CDH12: variants seen among roughly 807,000 people sequenced by gnomAD.
The protein encoded by CDH12 is cadherin 12.
In CDH12, 41 loss-of-function variants were observed where a neutral mutation model predicts 74.1. That is an observed-to-expected ratio of 0.55 (90% CI 0.43 to 0.72). CDH12 has a LOEUF of 0.72. Among genes scored for constraint, CDH12 ranks in the 30% least tolerant of loss-of-function variants. CDH12 has a pLI of 0.00. For missense variants in CDH12, 945 were observed against 977.2 expected (o/e 0.97, Z 0.44); for synonymous variants, 399 against 355.0 (o/e 1.12, Z -1.39).
chr5:22,254,268 C>A (rs977766581), intron 3 of CDH12, among the ~76,000 whole-genome samples: 2 of 151,758 alleles, frequency 1.3e-5, no homozygotes, highest in African/African-American at 4.8e-5. Flanking sequence ...TTGAATTCTT[C>A]TTTTGAAATT....
At chr5:21,907,730 G>A (rs563118079) in intron 6 of CDH12, among the ~76,000 whole-genome samples, 1 of 152,236 alleles carries the variant, frequency 6.6e-6, no homozygotes, top group East Asian at 1.9e-4. Flanking sequence ...GCTCTACCTG[G>A]CTTGGAATTT....
At chr5:22,357,409 T>C (rs1740610447) in intron 3 of CDH12, among the ~76,000 whole-genome samples, 1 of 152,090 alleles carries the variant, frequency 6.6e-6, no homozygotes, top group Non-Finnish European at 1.5e-5. Context: ...CCTTATCAGA[T>C]GTTAACTCGG....
chr5:21,996,363 A>AT (rs1230743123), intron 5 of CDH12, among the ~76,000 whole-genome samples: 1 of 152,194 alleles, frequency 6.6e-6, no homozygotes, highest in Non-Finnish European at 1.5e-5. Context: ...GAAAGTATAG[A>AT]TTTTAAAAGA....
At chr5:21,802,085 A>T in intron 10 of CDH12, 82 bp downstream of exon 10, 1 of 1,205,910 alleles carries the variant, frequency 8.3e-7, no homozygotes, top group Non-Finnish European at 1.2e-6. Flanking sequence ...GCAGTTTTGG[A>T]CAGAGAATTG....
At chr5:21,806,405 A>AG (rs903350286) in intron 9 of CDH12, among the ~76,000 whole-genome samples, 38 of 152,216 alleles carry the variant, frequency 2.5e-4, no homozygotes, top group African/African-American at 8.7e-4. Context: ...ATTTTCTCTG[A>AG]GGGAGGTTTC....
intron 1 of CDH12, among the ~76,000 whole-genome samples, chr5:22,638,207 A>G (rs1738939604): frequency 1.3e-5 from 2 of 152,200 alleles, no homozygotes; most frequent in African/African-American, 2.4e-5. Context: ...GTTTTGACTC[A>G]AAGGATCACA....
intron 1 of CDH12, among the ~76,000 whole-genome samples, chr5:22,692,029 C>T (rs2126944732): frequency 6.6e-6 from 1 of 152,248 alleles, no homozygotes; most frequent in African/African-American, 2.4e-5. Context: ...ATCTGATCCC[C>T]AATGTTAGAG....
rs556522577 is a variant in CDH12, at chr5:22,573,212, C to T, written c.-522-67848G>A. Among the ~76,000 whole-genome samples, 13 of 152,130 alleles carry T rather than the reference C, an allele frequency of 8.5e-5. No homozygotes were observed. The East Asian group carries it at 2.5e-3, about 29-fold the overall frequency. On this transcript the variant is annotated intron_variant, in intron 1 of 14. Coordinates refer to ENST00000382254, the MANE Select transcript of CDH12 (RefSeq NM_004061.5). ...TCCTCTATACAAAAGTTGGAGTTGT[C>T]CTTAGAACATTTGACAAATTTTTGC...
At chr5:21,947,131 A>G (rs1472958002) in intron 6 of CDH12, among the ~76,000 whole-genome samples, 1 of 152,236 alleles carries the variant, frequency 6.6e-6, no homozygotes, top group Non-Finnish European at 1.5e-5. Context: ...CCAGCCATGC[A>G]GAACTATGAG....
chr5:21,801,022 G>A (rs568013814), intron 10 of CDH12, among the ~76,000 whole-genome samples: 123 of 152,202 alleles, frequency 8.1e-4, no homozygotes, highest in African/African-American at 2.7e-3. Context: ...GTGTGAAAAC[G>A]AACTAATACA....
chr5:22,482,263 C>T (rs1436319379), intron 2 of CDH12, among the ~76,000 whole-genome samples: 2 of 152,118 alleles, frequency 1.3e-5, no homozygotes, highest in African/African-American at 2.4e-5. Context: ...ATCCAGTAGA[C>T]TTCCTCATAT....
intron 2 of CDH12, among the ~76,000 whole-genome samples, chr5:22,476,943 T>C (rs1048560024): frequency 6.6e-6 from 1 of 152,192 alleles, no homozygotes; most frequent in South Asian, 2.1e-4. Context: ...GTTACCATAC[T>C]GAGGTGGATT....
At chr5:22,846,681 T>C (rs1737318493) in intron 1 of CDH12, among the ~76,000 whole-genome samples, 1 of 152,210 alleles carries the variant, frequency 6.6e-6, no homozygotes, top group Admixed American at 6.5e-5. Context: ...GCCAAAACTC[T>C]ATGAGACAGG....
Position 22,663,542 on chromosome 5 carries a change from C to T in CDH12, c.-522-158178G>A, listed in dbSNP as rs143486610. ...ATTATGAAAAATAGAAAATAATTCA[C>T]ATACTTTAGTTTGTAAATTACTCTT... On this transcript the variant is annotated intron_variant, in intron 1 of 14. Coordinates refer to ENST00000382254, the MANE Select transcript of CDH12 (RefSeq NM_004061.5). Among the ~76,000 whole-genome samples, 1,420 of 152,244 alleles carry T rather than the reference C, an allele frequency of 9.3e-3. 12 individuals are homozygous for T. The highest frequency in any genetic ancestry group is 0.014 in the Non-Finnish European group (982 of 67,986).
At chr5:22,365,495 C>G (rs1740992229) in intron 3 of CDH12, among the ~76,000 whole-genome samples, 1 of 152,008 alleles carries the variant, frequency 6.6e-6, no homozygotes, top group South Asian at 2.1e-4. Flanking sequence ...GCTTGTAGTC[C>G]TTAAGAAGAT....
chr5:22,799,525 G>A (rs141670498), intron 1 of CDH12, among the ~76,000 whole-genome samples: 1 of 152,262 alleles, frequency 6.6e-6, no homozygotes, highest in East Asian at 1.9e-4. Context: ...AAAGTGAGCA[G>A]AGAAGAATAA....
intron 1 of CDH12, among the ~76,000 whole-genome samples, chr5:22,811,158 T>C (rs1397358269): frequency 1.3e-5 from 2 of 151,754 alleles, no homozygotes; most frequent in Non-Finnish European, 2.9e-5. Context: ...TACATATATA[T>C]ATACACACAC....
chr5:22,580,045 C>A (rs1317553024), intron 1 of CDH12, among the ~76,000 whole-genome samples: 2 of 152,102 alleles, frequency 1.3e-5, no homozygotes, highest in Admixed American at 1.3e-4. Context: ...AATGATATCA[C>A]CTTTTTAGCC....
intron 1 of CDH12, among the ~76,000 whole-genome samples, chr5:22,592,891 G>A (rs1736414778): frequency 6.6e-6 from 1 of 151,828 alleles, no homozygotes; most frequent in Non-Finnish European, 1.5e-5. Context: ...TTAGCCAGGT[G>A]TGGTGGCATG....
Sources: gnomAD v4.1 joint callset for allele counts (sites outside exome capture counted in the v4.1 genomes callset) on GRCh38, gnomAD v4.1.1 for gene constraint, MANE v1.5 for transcripts, NCBI Gene and HGNC (gene_info 2026-07-23, HGNC 2026-07-21) for gene names.